The following EDIL3 variants were observed in gnomAD, a reference collection of about 807,000 sequenced individuals.
EDIL3 encodes the protein EGF-like repeat and discoidin I-like domain-containing protein 3.
In EDIL3, 37 loss-of-function variants were observed where a neutral mutation model predicts 67.4. The observed-to-expected ratio is 0.55, with a 90% CI of 0.42 to 0.72. The LOEUF is 0.72. EDIL3 is among the 30% of genes least tolerant of loss of function. The pLI is 0.00. For synonymous variants in EDIL3, 195 were observed against 196.3 expected (o/e 0.99, Z 0.05); for missense variants, 527 against 586.3 (o/e 0.90, Z 1.04).
At chr5:84,199,533 G>A (rs192095373) in intron 3 of EDIL3, among the ~76,000 whole-genome samples, 2 of 151,986 alleles carry the variant, frequency 1.3e-5, no homozygotes, top group Admixed American at 1.3e-4. Flanking sequence ...TAAGCAAGAA[G>A]AGAAACATAG....
chr5:84,262,659 G>GTTGTTTTTTTTTTTTTT (rs1745250726), intron 1 of EDIL3, among the ~76,000 whole-genome samples: 1 of 46,310 alleles, frequency 2.2e-5, no homozygotes, highest in African/African-American at 8.7e-5. Flanking sequence ...AGGTTGGTTG[G>GTTGTTTTTTTTTTTTTT]TTTTTTTTTT....
At chr5:84,082,296 C>T (rs1047212768) in intron 6 of EDIL3, among the ~76,000 whole-genome samples, 2 of 152,100 alleles carry the variant, frequency 1.3e-5, no homozygotes, top group Non-Finnish European at 2.9e-5. Context: ...AAGACAAAAA[C>T]AAATATCACA....
intron 1 of EDIL3, among the ~76,000 whole-genome samples, chr5:84,379,847 C>G (rs1748039533): frequency 6.6e-6 from 1 of 152,030 alleles, no homozygotes; most frequent in Non-Finnish European, 1.5e-5. Context: ...TTATGTGGAT[C>G]TGCAGATTCA....
chr5:84,251,278 A>G (rs1335380749), intron 2 of EDIL3, among the ~76,000 whole-genome samples: 1 of 151,930 alleles, frequency 6.6e-6, no homozygotes, highest in Non-Finnish European at 1.5e-5. Context: ...GTGCCCGGTT[A>G]ATTTTTGTAT....
intron 3 of EDIL3, among the ~76,000 whole-genome samples, chr5:84,189,432 A>T (rs1743534339): frequency 6.6e-6 from 1 of 151,996 alleles, no homozygotes; most frequent in African/African-American, 2.4e-5. Flanking sequence ...TTCCACAATG[A>T]CAGGTAATCA....
At chr5:84,137,829 T>C (rs1240126429) in intron 4 of EDIL3, among the ~76,000 whole-genome samples, 2 of 152,190 alleles carry the variant, frequency 1.3e-5, no homozygotes, top group African/African-American at 4.8e-5. Context: ...CTTTGATGAA[T>C]ACGATGAGAA....
chr5:84,106,518 T>G, intron 6 of EDIL3, 131 bp downstream of exon 6: 1 of 1,128,440 alleles, frequency 8.9e-7, no homozygotes, highest in South Asian at 2.2e-5. Flanking sequence ...ATTTGAACTC[T>G]TCACTAAATT....
At chr5:84,349,303 C>T (rs1346956298) in intron 1 of EDIL3, among the ~76,000 whole-genome samples, 2 of 152,044 alleles carry the variant, frequency 1.3e-5, no homozygotes, top group African/African-American at 4.8e-5. Context: ...GTTCTCTGGC[C>T]CTGCTTGACC....
intron 1 of EDIL3, among the ~76,000 whole-genome samples, chr5:84,300,083 C>T (rs184452739): frequency 4.1e-4 from 62 of 152,320 alleles, no homozygotes; most frequent in Admixed American, 1.1e-3. Flanking sequence ...ATAGGCTTGA[C>T]GTTTGGCACA....
chr5:84,105,347 A>C (rs1318309956), intron 6 of EDIL3, among the ~76,000 whole-genome samples: 1 of 152,062 alleles, frequency 6.6e-6, no homozygotes, highest in Non-Finnish European at 1.5e-5. Flanking sequence ...ACCTTATTAG[A>C]GCTCTATAGA....
At chr5:84,103,866 G>C (rs1358656503) in intron 6 of EDIL3, among the ~76,000 whole-genome samples, 1 of 151,998 alleles carries the variant, frequency 6.6e-6, no homozygotes, top group South Asian at 2.1e-4. Context: ...AGCATAACTG[G>C]GTATATACCC....
intron 6 of EDIL3, among the ~76,000 whole-genome samples, chr5:84,090,023 A>G (rs1463092399): frequency 1.3e-5 from 2 of 152,216 alleles, no homozygotes; most frequent in Non-Finnish European, 2.9e-5. Context: ...ACAGTAAAAC[A>G]TTTAAAGCCT....
At position 84,106,739 on chromosome 5, in the gene EDIL3, T is replaced by C. The variant is rs1303472831; in HGVS notation, c.561A>G (p.Gln187=). 12 of 1,613,636 alleles carry C rather than the reference T, an allele frequency of 7.4e-6. 1 individual carries two copies. The highest frequency in any genetic ancestry group is 1.6e-4 in the Middle Eastern group (1 of 6,062). Reference sequence around the variant, plus strand: ...GACGTGCATAGTAGGGATACCATTTTTGGAGTCCAAAAAGAGCTCGGTGAG... The same window carrying C: ...GACGTGCATAGTAGGGATACCATTTCTGGAGTCCAAAAAGAGCTCGGTGAG... The part of the protein sequence containing the change: ...SSTHRALFGL[Q]KWYPYYARLN... The change falls in exon 6 of 11, where the codon CAA becomes CAG. Residue 187 remains glutamine, a synonymous_variant. Coordinates refer to ENST00000296591, the MANE Select transcript of EDIL3 (RefSeq NM_005711.5).
At chr5:84,334,168 G>A (rs773542322) in intron 1 of EDIL3, among the ~76,000 whole-genome samples, 9 of 150,926 alleles carry the variant, frequency 6.0e-5, no homozygotes, top group Non-Finnish European at 1.3e-4. Flanking sequence ...CCGGGTTCAA[G>A]CGGGAGCCTT....
chr5:83,970,863 C>G (rs1370119417), intron 9 of EDIL3, among the ~76,000 whole-genome samples: 2 of 151,330 alleles, frequency 1.3e-5, no homozygotes, highest in Non-Finnish European at 2.9e-5. Context: ...TTGGACAGAA[C>G]AAAGTTGGTG....
chr5:84,005,185 AT>A (rs1390206128), intron 9 of EDIL3, among the ~76,000 whole-genome samples: 3 of 152,138 alleles, frequency 2.0e-5, no homozygotes, highest in Admixed American at 1.3e-4. Context: ...TGAATCAGTA[AT>A]AAAATACCTA....
At chr5:84,095,963 C>T (rs1056008824) in intron 6 of EDIL3, among the ~76,000 whole-genome samples, 4 of 151,976 alleles carry the variant, frequency 2.6e-5, no homozygotes, top group Non-Finnish European at 2.9e-5. Flanking sequence ...GGTAATAAAT[C>T]GTTACAAATT....
chr5:83,953,730 C>A (rs1744459306), intron 10 of EDIL3, among the ~76,000 whole-genome samples: 1 of 151,762 alleles, frequency 6.6e-6, no homozygotes, highest in South Asian at 2.1e-4. Context: ...TAACTGAATC[C>A]ATCTTTGGTT....
chr5:84,041,284 C>G (rs1746115074), intron 9 of EDIL3, among the ~76,000 whole-genome samples: 1 of 152,042 alleles, frequency 6.6e-6, no homozygotes. Context: ...ATGCCCAACA[C>G]AGACCTAATA....
Sources: gnomAD v4.1 joint callset for allele counts (sites outside exome capture counted in the v4.1 genomes callset) on GRCh38, gnomAD v4.1.1 for gene constraint, MANE v1.5 for transcripts, NCBI Gene and HGNC (gene_info 2026-07-23, HGNC 2026-07-21) for gene names.